The following NEDD4L variants were observed in gnomAD, a reference collection of about 807,000 sequenced individuals.
NEDD4L encodes E3 ubiquitin-protein ligase NEDD4-like.
NEDD4L carries 54 observed loss-of-function variants against 148.9 expected under a neutral mutation model. The ratio of observed to expected loss-of-function variants is 0.36; its 90% CI spans 0.29 to 0.45. The LOEUF is 0.45. NEDD4L is among the 20% of genes least tolerant of loss of function. The probability of loss-of-function intolerance (pLI) is 1.00; values close to 1 mark genes in which losing one functional copy is unlikely to be tolerated. For missense variants in NEDD4L, 856 were observed against 1,233.8 expected, an observed-to-expected ratio of 0.69 and a Z score of 4.59; for synonymous variants, 433 against 440.7, an observed-to-expected ratio of 0.98 and a Z score of 0.22.
chr18:58,201,237 G>C (rs2041372216), intron 2 of NEDD4L, among the ~76,000 whole-genome samples: 1 of 152,064 alleles, frequency 6.6e-6, no homozygotes, highest in African/African-American at 2.4e-5. Flanking sequence ...GGAAGCTGAG[G>C]CAGGAGAATT....
At chr18:58,190,825 G>C (rs2040024065) in intron 2 of NEDD4L, among the ~76,000 whole-genome samples, 1 of 152,162 alleles carries the variant, frequency 6.6e-6, no homozygotes, top group Admixed American at 6.5e-5. Context: ...TCAAATAGAA[G>C]ATGTAACAGT....
In NEDD4L at chr18:58,087,156, A is replaced by G. The variant is rs78082975; in HGVS notation, c.48+42448A>G. On this transcript the variant is annotated intron_variant, in intron 1 of 30. Coordinates refer to ENST00000400345, the MANE Select transcript of NEDD4L (RefSeq NM_001144967.3). ...TTTTTTCCTGACTTCTTAACAAAGG[A>G]TTTTATAGGTGGGACCTTCAACACT... Among the ~76,000 whole-genome samples the G allele has an allele frequency of 8.8e-3, 1,346 of 152,276 alleles. 18 individuals are homozygous for G. Among genetic ancestry groups the G allele is most frequent in the African/African-American group, 0.03 (1,250 of 41,548 alleles).
intron 12 of NEDD4L, 39 bp from the exon 13 acceptor site, chr18:58,335,439 C>CTTACAGCGCTG (rs1601398677): frequency 6.4e-7 from 1 of 1,562,568 alleles, no homozygotes; most frequent in Non-Finnish European, 8.8e-7. Context: ...GGGGGTCATC[C>CTTACAGCGCTG]CCTAAGTGCA....
Position 58,085,314 on chromosome 18 carries a change from G to A in NEDD4L, c.48+40606G>A, listed in dbSNP as rs139739754. Among the ~76,000 whole-genome samples, 575 of 152,318 alleles carry A rather than the reference G, an allele frequency of 3.8e-3. 4 individuals are homozygous for A. The highest frequency in any genetic ancestry group is 6.9e-3 in the Non-Finnish European group (471 of 68,034). ...GCAGGTGTGCACAGAGGTATGGGAT[G>A]GGGTCAGTGTGGAGGGCCGTGTGCC... On this transcript the variant is annotated intron_variant, in intron 1 of 30. Transcript: ENST00000400345.
chr18:58,099,108 T>C (rs190556186), intron 1 of NEDD4L, among the ~76,000 whole-genome samples: 4 of 152,358 alleles, frequency 2.6e-5, no homozygotes, highest in African/African-American at 9.6e-5. Context: ...ACTTGAAAAT[T>C]GTAATAATCT....
chr18:58,288,191 C>T (rs933177826), intron 5 of NEDD4L, among the ~76,000 whole-genome samples: 1 of 152,166 alleles, frequency 6.6e-6, no homozygotes, highest in African/African-American at 2.4e-5. Flanking sequence ...AAAGAGAGCA[C>T]AAAATACATC....
chr18:58,187,087 A>G (rs918538479), intron 2 of NEDD4L, among the ~76,000 whole-genome samples: 1 of 152,246 alleles, frequency 6.6e-6, no homozygotes, highest in African/African-American at 2.4e-5. Flanking sequence ...AAGGCCACTC[A>G]GTAGGAAGGG....
In NEDD4L at chr18:58,047,063, C is replaced by T. The variant is rs181071719; in HGVS notation, c.48+2355C>T. On this transcript the variant is annotated intron_variant, in intron 1 of 30. Transcript: ENST00000400345. Reference sequence around the variant, plus strand: ...GAATTTGCACAGCTTGTTTTGTCTCCCTGAATTAGTATGTGTAAGAAAAAC... The same window carrying T: ...GAATTTGCACAGCTTGTTTTGTCTCTCTGAATTAGTATGTGTAAGAAAAAC... 790 of 160,980 alleles carry T rather than the reference C, an allele frequency of 4.9e-3. 12 individuals carry two copies. The highest frequency in any genetic ancestry group is 9.3e-3 in the Middle Eastern group (3 of 324). 10.0% of individuals were successfully genotyped at this position (160,980 alleles called of 1,614,324 possible).
At chr18:58,359,862 A>T (rs72942890) in intron 19 of NEDD4L, 1,960 of 152,372 alleles carry the variant, frequency 0.013, 30 homozygotes, top group South Asian at 0.038. Context: ...GTGCCCCCTC[A>T]GGTTTGAGCA....
intron 2 of NEDD4L, chr18:58,193,858 T>A (rs1003254173): frequency 1.3e-5 from 2 of 152,274 alleles, no homozygotes; most frequent in Non-Finnish European, 2.9e-5. Flanking sequence ...TTTTTAAATT[T>A]ATTTCCTGGG....
intron 2 of NEDD4L, among the ~76,000 whole-genome samples, chr18:58,220,679 T>C (rs965841301): frequency 6.6e-6 from 1 of 152,184 alleles, no homozygotes; most frequent in African/African-American, 2.4e-5. Flanking sequence ...GAAAGTTAGC[T>C]GTTTGCTACA....
At chr18:58,177,688 A>G (rs916232200) in intron 2 of NEDD4L, among the ~76,000 whole-genome samples, 1 of 152,206 alleles carries the variant, frequency 6.6e-6, no homozygotes, top group African/African-American at 2.4e-5. Context: ...GCTTTTAAAA[A>G]CGCACAATCT....
chr18:58,247,706 C>G (rs547525445), intron 3 of NEDD4L: 9 of 152,558 alleles, frequency 5.9e-5, no homozygotes, highest in African/African-American at 2.2e-4. Flanking sequence ...GTTCTTCGTT[C>G]GTTTTGTGCT....
Position 58,168,572 on chromosome 18 carries a change from T to C in NEDD4L, c.122+2711T>C, listed in dbSNP as rs1375196660. 3.3e-5 allele frequency among the ~76,000 whole-genome samples: 5 copies of C among 152,276 alleles called. No individual in the cohort carries two copies. In the South Asian group the frequency reaches 1.0e-3, roughly 32 times the overall value. ...ACCGGGCAGAGGTTTGGTAGTGTCC[T>C]CTCTGGCAGCCACCGTCTCCTTCAG... On this transcript the variant is annotated intron_variant, in intron 2 of 30. Transcript: ENST00000400345.
At chr18:58,311,935 C>T (rs2057748101) in intron 5 of NEDD4L, among the ~76,000 whole-genome samples, 1 of 152,176 alleles carries the variant, frequency 6.6e-6, no homozygotes, top group African/African-American at 2.4e-5. Flanking sequence ...TTGGTGGCAG[C>T]ATACCCCTCT....
intron 2 of NEDD4L, among the ~76,000 whole-genome samples, chr18:58,182,232 CAG>C (rs2038937736): frequency 6.6e-6 from 1 of 151,984 alleles, no homozygotes; most frequent in African/African-American, 2.4e-5. Context: ...AAAACACCCA[CAG>C]AGGAAAATGC....
chr18:58,187,413 C>T (rs897234210), intron 2 of NEDD4L, among the ~76,000 whole-genome samples: 1 of 151,966 alleles, frequency 6.6e-6, no homozygotes, highest in African/African-American at 2.4e-5. Context: ...GGGCAGGGAC[C>T]GGGGAAGAAG....
intron 5 of NEDD4L, among the ~76,000 whole-genome samples, chr18:58,296,151 A>G (rs889304044): frequency 6.6e-6 from 1 of 152,156 alleles, no homozygotes; most frequent in African/African-American, 2.4e-5. Context: ...ACCCACAGGT[A>G]GCATTTTTTA....
intron 1 of NEDD4L, among the ~76,000 whole-genome samples, chr18:58,086,175 T>C (rs901704160): frequency 4.6e-5 from 7 of 152,220 alleles, no homozygotes; most frequent in Non-Finnish European, 1.0e-4. Flanking sequence ...TCCAGATCTT[T>C]TGCCAGAATA....
Sources: allele counts gnomAD v4.1 joint callset (sites outside exome capture counted in the v4.1 genomes callset), GRCh38; gene constraint gnomAD v4.1.1; transcripts MANE v1.5; gene names NCBI Gene and HGNC (gene_info 2026-07-23, HGNC 2026-07-21).